The following PLA2G5 variants were observed in gnomAD, a reference collection of about 807,000 sequenced individuals.
The protein encoded by PLA2G5 is Ca2+-dependent phospholipase A2.
PLA2G5 carries 12 observed loss-of-function variants against 15.9 expected under a neutral mutation model. That is an observed-to-expected ratio of 0.76 (90% CI 0.48 to 1.23). The LOEUF (loss-of-function observed/expected upper bound fraction) is 1.23, where lower values mean the gene tolerates loss of function less well. Ranked by LOEUF, PLA2G5 falls within the 50% of genes most tolerant of loss-of-function variation. PLA2G5 has a pLI of 0.00. For missense variants in PLA2G5, 169 were observed against 177.1 expected (o/e 0.95, Z 0.26); for synonymous variants, 71 against 71.4 (o/e 0.99, Z 0.03).
intron 1 of PLA2G5, among the ~76,000 whole-genome samples, chr1:20,038,720 A>T (rs187787369): frequency 6.6e-6 from 1 of 152,312 alleles, no homozygotes. Flanking sequence ...TTGAAGTTGC[A>T]GTAGACTATG....
intron 2 of PLA2G5, 72 bp downstream of exon 2, chr1:20,084,942 C>A: frequency 9.6e-7 from 1 of 1,039,370 alleles, no homozygotes; most frequent in East Asian, 2.4e-5. Flanking sequence ...AAAAGGACAC[C>A]AGCCATTGAG....
At chr1:20,029,274 G>T (rs750305442) in intron 1 of PLA2G5, among the ~76,000 whole-genome samples, 2 of 152,178 alleles carry the variant, frequency 1.3e-5, no homozygotes, top group East Asian at 3.9e-4. Flanking sequence ...TGCTGTTTTG[G>T]TGGCCTGCCA....
chr1:20,061,438 A>T (rs2014724479), intron 2 of PLA2G5, among the ~76,000 whole-genome samples: 1 of 151,892 alleles, frequency 6.6e-6, no homozygotes, highest in Non-Finnish European at 1.5e-5. Context: ...AATTAAAAAT[A>T]AGCTGGATAT....
chr1:20,043,924 C>T (rs549543330), intron 1 of PLA2G5, among the ~76,000 whole-genome samples: 26 of 152,210 alleles, frequency 1.7e-4, no homozygotes, highest in African/African-American at 5.8e-4. Context: ...AGGGGGCTTT[C>T]GAGGTGATTG....
chr1:20,085,158 G>A (rs1389659537), intron 2 of PLA2G5, among the ~76,000 whole-genome samples: 4 of 152,144 alleles, frequency 2.6e-5, no homozygotes, highest in African/African-American at 9.7e-5. Context: ...GCAAGTGTAG[G>A]AGGCAGATTT....
chr1:20,041,392 T>G (rs1168511930), intron 1 of PLA2G5, among the ~76,000 whole-genome samples: 1 of 152,118 alleles, frequency 6.6e-6, no homozygotes, highest in East Asian at 1.9e-4. Flanking sequence ...TAAAGGGAGA[T>G]AGGGGTGGGG....
intron 1 of PLA2G5, among the ~76,000 whole-genome samples, chr1:20,045,205 A>G (rs1213861860): frequency 2.0e-5 from 3 of 152,004 alleles, no homozygotes; most frequent in African/African-American, 7.2e-5. Flanking sequence ...GATAAGGGAG[A>G]AACAGGAGGA....
In PLA2G5 at chr1:20,040,595, C is replaced by G. The variant is rs1013770270; in HGVS notation, n.276+11886C>G. Among the ~76,000 whole-genome samples the G allele has an allele frequency of 2.0e-5, 3 of 152,146 alleles. No individual in the cohort carries two copies. In the South Asian group the frequency reaches 6.2e-4, roughly 32 times the overall value. ...TGACAAATACACACACACACACACA[C>G]ACACACACACAAACACTCACACTCA... On this transcript the variant is annotated intron_variant and non_coding_transcript_variant, in intron 1 of 6. Transcript: ENST00000460175.
intron 3 of PLA2G5, among the ~76,000 whole-genome samples, chr1:20,087,929 T>C (rs1177929763): frequency 2.6e-5 from 4 of 152,124 alleles, no homozygotes; most frequent in African/African-American, 9.7e-5. Flanking sequence ...AACTCCAGTC[T>C]TATCATGAGA....
chr1:20,036,856 G>C (rs1028966342), intron 1 of PLA2G5, among the ~76,000 whole-genome samples: 3 of 151,578 alleles, frequency 2.0e-5, no homozygotes, highest in African/African-American at 7.3e-5. Flanking sequence ...GTAGAGACAG[G>C]GTTTCTCCAT....
chr1:20,038,564 A>G (rs902698489), intron 1 of PLA2G5, among the ~76,000 whole-genome samples: 19 of 152,162 alleles, frequency 1.2e-4, no homozygotes, highest in Admixed American at 1.2e-3. Context: ...CCAAGGCAGG[A>G]GGATTGCTTG....
At chr1:20,073,805 G>A (rs2015517886) in intron 1 of PLA2G5, among the ~76,000 whole-genome samples, 1 of 151,478 alleles carries the variant, frequency 6.6e-6, no homozygotes, top group Non-Finnish European at 1.5e-5. Flanking sequence ...GAGAGGCGGA[G>A]GTTGCAGTGA....
At chr1:20,038,518 G>A (rs2013402908) in intron 1 of PLA2G5, among the ~76,000 whole-genome samples, 1 of 152,130 alleles carries the variant, frequency 6.6e-6, no homozygotes, top group African/African-American at 2.4e-5. Flanking sequence ...CTCTAGGTAA[G>A]GTTAAATCCT....
intron 1 of PLA2G5, among the ~76,000 whole-genome samples, chr1:20,057,714 G>A (rs2014505881): frequency 6.6e-6 from 1 of 152,250 alleles, no homozygotes; most frequent in South Asian, 2.1e-4. Context: ...GGCCAGGCTG[G>A]TCTCAAACTC....
At chr1:20,080,170 G>A (rs2015929787) in intron 1 of PLA2G5, among the ~76,000 whole-genome samples, 1 of 152,088 alleles carries the variant, frequency 6.6e-6, no homozygotes. Flanking sequence ...GGGTGGGAGG[G>A]AGGCTGTGCC....
intron 1 of PLA2G5, among the ~76,000 whole-genome samples, chr1:20,030,363 TTA>T: frequency 6.6e-6 from 1 of 151,830 alleles, no homozygotes; most frequent in East Asian, 1.9e-4. Context: ...TAGGCCAGAT[TTA>T]TGTTTGACTT....
At chr1:20,033,559 G>GTTAGAGA (rs2013085556) in intron 1 of PLA2G5, among the ~76,000 whole-genome samples, 1 of 152,150 alleles carries the variant, frequency 6.6e-6, no homozygotes. Flanking sequence ...GTGCCTCTGG[G>GTTAGAGA]GCCAGCAATG....
At chr1:20,088,080 G>A (rs772884766) in intron 3 of PLA2G5, among the ~76,000 whole-genome samples, 1 of 151,748 alleles carries the variant, frequency 6.6e-6, no homozygotes, top group Admixed American at 6.6e-5. Flanking sequence ...ACCATGGGCC[G>A]GGCGCGGTGG....
At chr1:20,049,143 G>C (rs1557729883) in intron 1 of PLA2G5, among the ~76,000 whole-genome samples, 1 of 152,084 alleles carries the variant, frequency 6.6e-6, no homozygotes. Flanking sequence ...ATATGAGAAA[G>C]AATCTTGTAT....
Sources: allele counts gnomAD v4.1 joint callset (sites outside exome capture counted in the v4.1 genomes callset), GRCh38; gene constraint gnomAD v4.1.1; transcripts MANE v1.5; gene names NCBI Gene and HGNC (gene_info 2026-07-23, HGNC 2026-07-21).